USP6NL: variants seen among roughly 807,000 people sequenced by gnomAD.
USP6NL encodes USP6 N-terminal like, also known as USP6 N-terminal-like protein.
In USP6NL, 26 loss-of-function variants were observed where a neutral mutation model predicts 61.9. The observed-to-expected ratio is 0.42, with a 90% CI of 0.31 to 0.58. USP6NL has a LOEUF of 0.58. Among genes scored for constraint, USP6NL ranks in the 20% least tolerant of loss-of-function variants. USP6NL has a pLI of 0.16. For synonymous variants in USP6NL, 432 were observed against 390.1 expected (o/e 1.11, Z -1.27); for missense variants, 1,114 against 1,034.3 (o/e 1.08, Z -1.06).
chr10:11,587,070 A>T lies in USP6NL; in HGVS notation c.4+10561T>A, dbSNP rs1158015891. 6.6e-6 allele frequency among the ~76,000 whole-genome samples: 1 copy of T among 152,008 alleles called. No individual in the cohort carries two copies. The highest frequency in any genetic ancestry group is 1.5e-5 in the Non-Finnish European group (1 of 67,980). ...GTACTAAGACCGTACTACTGGCTCA[A>T]TGTCTGGCTTTCCCACCAGTTCCAT... On this transcript the variant is annotated intron_variant, in intron 2 of 14. Transcript: ENST00000609104. This position sits in a 1 kb window ranked among gnomAD's most constrained non-coding sequence, Gnocchi z 4.5.
At chr10:11,571,580 A>G (rs1034262030) in intron 2 of USP6NL, among the ~76,000 whole-genome samples, 12 of 152,132 alleles carry the variant, frequency 7.9e-5, no homozygotes, top group African/African-American at 2.7e-4. Flanking sequence ...TAATATGAAT[A>G]CAATACTTAG....
chr10:11,537,902 G>C lies in USP6NL; in HGVS notation c.5-10335C>G, dbSNP rs894579893. On this transcript the variant is annotated intron_variant, in intron 2 of 14. Coordinates refer to ENST00000609104, the MANE Select transcript of USP6NL (RefSeq NM_014688.5). The surrounding 1 kb of genome is among the most constrained non-coding windows in gnomAD (Gnocchi z 5.1). Reference sequence around the variant, plus strand: ...CAAGGAGTCCCCTTGATTCTCCATGGCTTGCCCCTGATTCTGCAAATAAAA... The same window carrying C: ...CAAGGAGTCCCCTTGATTCTCCATGCCTTGCCCCTGATTCTGCAAATAAAA... Among the ~76,000 whole-genome samples the C allele has an allele frequency of 1.3e-5, 2 of 152,258 alleles. No homozygotes were observed. Among genetic ancestry groups the C allele is most frequent in the Non-Finnish European group, 2.9e-5 (2 of 68,010 alleles).
In USP6NL at chr10:11,512,897, A is replaced by C. The variant is rs191812446; in HGVS notation, c.196-3222T>G. 3.3e-5 allele frequency among the ~76,000 whole-genome samples: 5 copies of C among 152,290 alleles called. No homozygotes were observed. In the East Asian group the frequency reaches 9.6e-4, roughly 29 times the overall value. On this transcript the variant is annotated intron_variant, in intron 5 of 14. Coordinates refer to ENST00000609104, the MANE Select transcript of USP6NL (RefSeq NM_014688.5). Reference sequence around the variant, plus strand: ...TGGGTTCAAATCTGAGTTCTGTCCCATACTGTTTCATTTGGGGCAAACTAC... The same window carrying C: ...TGGGTTCAAATCTGAGTTCTGTCCCCTACTGTTTCATTTGGGGCAAACTAC...
intron 2 of USP6NL, among the ~76,000 whole-genome samples, chr10:11,543,907 GT>G (rs1262797430): frequency 6.7e-6 from 1 of 148,768 alleles, no homozygotes; most frequent in Non-Finnish European, 1.5e-5. Context: ...CGCCTCCTGG[GT>G]TCATACCATT....
At chr10:11,555,495 A>G (rs886452753) in intron 2 of USP6NL, among the ~76,000 whole-genome samples, 1 of 131,486 alleles carries the variant, frequency 7.6e-6, no homozygotes, top group African/African-American at 2.9e-5. Flanking sequence ...GAGAGAGAGA[A>G]GAGGAATAAA....
At chr10:11,517,770 A>G (rs1419977052) in intron 5 of USP6NL, among the ~76,000 whole-genome samples, 1 of 152,204 alleles carries the variant, frequency 6.6e-6, no homozygotes, top group Non-Finnish European at 1.5e-5. Context: ...TCAAATTCCA[A>G]TTCCAATTTC....
At chr10:11,604,451 C>A (rs1156956847) in intron 1 of USP6NL, among the ~76,000 whole-genome samples, 1 of 152,154 alleles carries the variant, frequency 6.6e-6, no homozygotes. Context: ...AAAGAGACTA[C>A]TGACAGTGAA....
In USP6NL at chr10:11,491,293, A is replaced by G. The variant is rs1197401751; in HGVS notation, c.495-413T>C. Among the ~76,000 whole-genome samples the G allele has an allele frequency of 6.6e-6, 1 of 152,142 alleles. No homozygotes were observed. The highest frequency in any genetic ancestry group is 1.5e-5 in the Non-Finnish European group (1 of 68,026). On this transcript the variant is annotated intron_variant, in intron 8 of 14. Transcript: ENST00000609104. The surrounding 1 kb of genome is among the most constrained non-coding windows in gnomAD (Gnocchi z 4.7). ...CCTTGGGATGCTGAATATGCTCCATATCAGGCTCCAATTCAAGGTGCTGTT... is the reference window on the plus strand; with the variant it reads ...CCTTGGGATGCTGAATATGCTCCATGTCAGGCTCCAATTCAAGGTGCTGTT...
chr10:11,527,398 C>A, intron 3 of USP6NL, 102 bp downstream of exon 3: 2 of 1,041,686 alleles, frequency 1.9e-6, no homozygotes, highest in Non-Finnish European at 2.8e-6. Context: ...TGAAGTTAAA[C>A]AAACTGCTTC....
chr10:11,462,748 A>C lies in USP6NL; in HGVS notation c.2180T>G (p.Val727Gly), dbSNP rs2096220428. The C allele has an allele frequency of 6.2e-7, 1 of 1,613,982 alleles. No homozygotes were observed. Among genetic ancestry groups the C allele is most frequent in the African/African-American group, 1.3e-5 (1 of 75,044 alleles). ...PKNGKLIIPP[V>G]DYLPDNRTWS... ...TGTTCTGTTATCTGGCAAGTAATCC[A>C]CTGGTGGAATGATCAATTTTCCATT... Residue 727 changes from valine (V) to glycine (G), a missense_variant, in exon 15 of 15, where the codon GTG (valine) becomes GGG (glycine). By Grantham distance (109) the Val-to-Gly change is moderately radical. Coordinates refer to ENST00000609104, the MANE Select transcript of USP6NL (RefSeq NM_014688.5).
chr10:11,534,095 C>T (rs1835751510), intron 2 of USP6NL, among the ~76,000 whole-genome samples: 1 of 152,058 alleles, frequency 6.6e-6, no homozygotes, highest in Admixed American at 6.5e-5. Flanking sequence ...CATCCCCCAC[C>T]CTTGATATCT....
At chr10:11,541,273 A>ATATATATG (rs1555169599) in intron 2 of USP6NL, among the ~76,000 whole-genome samples, 7 of 113,556 alleles carry the variant, frequency 6.2e-5, no homozygotes, top group African/African-American at 1.8e-4. Context: ...ATATATATAT[A>ATATATATG]TATGTATGTC....
chr10:11,530,394 G>A (rs1835608691), intron 2 of USP6NL, among the ~76,000 whole-genome samples: 2 of 152,214 alleles, frequency 1.3e-5, no homozygotes, highest in African/African-American at 4.8e-5. Flanking sequence ...AAATGTCATT[G>A]TGGCAAACTA....
In USP6NL at chr10:11,462,414, T is replaced by C; in HGVS notation, c.*27A>G. On this transcript the variant is annotated 3_prime_UTR_variant, in exon 15 of 15. Coordinates refer to ENST00000609104, the MANE Select transcript of USP6NL (RefSeq NM_014688.5). ...ATGTAGGTTTCACGTGGTTTCTCTC[T>C]CGTCTTTAGCAAGTACACGTCAAAT... The C allele has an allele frequency of 6.3e-7, 1 of 1,599,100 alleles. No homozygotes were observed.
In USP6NL at chr10:11,562,442, C is replaced by T. The variant is rs530551774; in HGVS notation, c.5-34875G>A. ...TGGCTCTTGGACCTAAGGATGAAGA[C>T]GCAGCAGTCATCACGTATCTCTGAG... On this transcript the variant is annotated intron_variant, in intron 2 of 14. Coordinates refer to ENST00000609104, the MANE Select transcript of USP6NL (RefSeq NM_014688.5). The surrounding 1 kb of genome is among the most constrained non-coding windows in gnomAD (Gnocchi z 4.8). 2.6e-5 allele frequency: 26 copies of T among 985,322 alleles called. No individual in the cohort carries two copies. The South Asian group carries it at 6.6e-4, about 25-fold the overall frequency. The allele number at this position is 985,322 out of a possible 1,614,324, so 61.0% of individuals were successfully genotyped here. A position where few individuals can be genotyped will look rare whatever the true frequency, so the allele number is the denominator to read the frequency against.
At chr10:11,605,259 G>A (rs1335790058) in intron 1 of USP6NL, among the ~76,000 whole-genome samples, 1 of 152,172 alleles carries the variant, frequency 6.6e-6, no homozygotes, top group Admixed American at 6.5e-5. Context: ...AGGACAAAAT[G>A]TCAGAGTACA....
At chr10:11,500,289 T>C (rs970939719) in intron 7 of USP6NL, among the ~76,000 whole-genome samples, 1 of 152,050 alleles carries the variant, frequency 6.6e-6, no homozygotes, top group East Asian at 1.9e-4. Context: ...CATTTACCTA[T>C]GTAACAAATC....
rs944754448 is a variant in USP6NL at position 11,493,326 on chromosome 10, A to T, written c.385-98T>A. The T allele has an allele frequency of 8.7e-6, 9 of 1,028,642 alleles. No individual in the cohort carries two copies. In the African/African-American group the frequency reaches 1.3e-4, roughly 15 times the overall value. 63.7% of individuals were successfully genotyped at this position (1,028,642 alleles called of 1,614,324 possible). ...ATTCTCATTAAAAAGTTTTTGGTTT[A>T]AAAAAATCACTCAATGGTTAAAAAA... On this transcript the variant is annotated intron_variant, in intron 7 of 14. Coordinates refer to ENST00000609104, the MANE Select transcript of USP6NL (RefSeq NM_014688.5).
chr10:11,574,412 C>T lies in USP6NL; in HGVS notation c.4+23219G>A, dbSNP rs539903844. Among the ~76,000 whole-genome samples, 1 of 152,290 alleles carries T rather than the reference C, an allele frequency of 6.6e-6. No homozygotes were observed. Among genetic ancestry groups the T allele is most frequent in the East Asian group, 1.9e-4 (1 of 5,186 alleles). On this transcript the variant is annotated intron_variant, in intron 2 of 14. Coordinates refer to ENST00000609104, the MANE Select transcript of USP6NL (RefSeq NM_014688.5). The surrounding 1 kb of genome is among the most constrained non-coding windows in gnomAD (Gnocchi z 4.3). The stretch of plus-strand genomic sequence containing the variant: ...TAAATTCAATGGTCTCAACATCCAG[C>T]GGCATGGACCAGATAATTTCAAAAC...
Sources: allele counts gnomAD v4.1 joint callset (sites outside exome capture counted in the v4.1 genomes callset), GRCh38; gene constraint gnomAD v4.1.1; non-coding constraint Gnocchi (gnomAD v3.1); transcripts MANE v1.5; gene names NCBI Gene and HGNC (gene_info 2026-07-23, HGNC 2026-07-21).